The following LEF1 variants were observed in gnomAD, a reference collection of about 807,000 sequenced individuals.
LEF1 encodes lymphoid enhancer binding factor 1, also known as lymphoid enhancer-binding factor 1.
Under a neutral mutation model 51.2 loss-of-function variants are expected in LEF1, and 14 were observed. The ratio of observed to expected loss-of-function variants is 0.27; its 90% CI spans 0.18 to 0.43. LEF1 has a LOEUF of 0.43. Ranked by LOEUF, LEF1 falls within the 20% of genes least tolerant of loss-of-function variation. LEF1 has a pLI of 1.00. For missense variants in LEF1, 386 were observed against 512.0 expected, an observed-to-expected ratio of 0.75 and a Z score of 2.37; for synonymous variants, 185 against 183.2, an observed-to-expected ratio of 1.01 and a Z score of -0.08.
chr4:108,092,649 T>C (rs1740097939), intron 3 of LEF1, among the ~76,000 whole-genome samples: 1 of 151,510 alleles, frequency 6.6e-6, no homozygotes, highest in Admixed American at 6.6e-5. Context: ...ATGTGGTATA[T>C]ATTTTCTTGT....
intron 3 of LEF1, among the ~76,000 whole-genome samples, chr4:108,159,522 T>G (rs1296374756): frequency 6.6e-6 from 1 of 152,338 alleles, no homozygotes; most frequent in South Asian, 2.1e-4. Context: ...TTAGTCTCCA[T>G]CTATCCTTGA....
At position 108,168,503 on chromosome 4, in the gene LEF1, G is replaced by C. The variant is rs996560365; in HGVS notation, c.-736C>G. Reference sequence around the variant, plus strand: ...AGAGAAGGAGGAGGAGCAGAAGATGGGGGCCGAGGAGGAGGGGAAGAGAAA... The same window carrying C: ...AGAGAAGGAGGAGGAGCAGAAGATGCGGGCCGAGGAGGAGGGGAAGAGAAA... On this transcript the variant is annotated 5_prime_UTR_variant, in exon 1 of 12. Coordinates refer to ENST00000265165, the MANE Select transcript of LEF1 (RefSeq NM_016269.5). The surrounding 1 kb of genome is among the most constrained non-coding windows in gnomAD (Gnocchi z 4.6). 1 of 152,340 alleles carries C rather than the reference G, an allele frequency of 6.6e-6. No homozygotes were observed. Among genetic ancestry groups the C allele is most frequent in the Non-Finnish European group, 1.5e-5 (1 of 68,132 alleles). The allele number at this position is 152,340 out of a possible 1,614,324, so 9.4% of individuals were successfully genotyped here.
intron 3 of LEF1, among the ~76,000 whole-genome samples, chr4:108,141,467 TCA>T (rs905236373): frequency 2.6e-4 from 39 of 152,220 alleles, no homozygotes; most frequent in African/African-American, 8.9e-4. Flanking sequence ...CTCCCCGTCT[TCA>T]CACAGTCACT....
intron 8 of LEF1, 127 bp downstream of exon 8, chr4:108,078,093 G>T: frequency 3.5e-6 from 3 of 853,762 alleles, no homozygotes; most frequent in Non-Finnish European, 5.6e-6. Flanking sequence ...TCTTTAAAAT[G>T]CATCATATCA....
intron 3 of LEF1, among the ~76,000 whole-genome samples, chr4:108,143,357 T>C (rs2110377417): frequency 6.6e-6 from 1 of 152,330 alleles, no homozygotes; most frequent in East Asian, 1.9e-4. Flanking sequence ...TCAAAATCTG[T>C]ATATTTTTCT....
At chr4:108,136,435 G>A (rs1391474028) in intron 3 of LEF1, among the ~76,000 whole-genome samples, 1 of 148,964 alleles carries the variant, frequency 6.7e-6, no homozygotes, top group Non-Finnish European at 1.5e-5. Context: ...CATATTGCCA[G>A]TTCAAATACT....
At chr4:108,152,347 G>A (rs1172717863) in intron 3 of LEF1, among the ~76,000 whole-genome samples, 1 of 152,228 alleles carries the variant, frequency 6.6e-6, no homozygotes, top group Non-Finnish European at 1.5e-5. Flanking sequence ...TGGTGAGGAG[G>A]TAAGACTTGA....
intron 3 of LEF1, among the ~76,000 whole-genome samples, chr4:108,090,667 G>T (rs906949274): frequency 1.3e-5 from 2 of 152,044 alleles, no homozygotes; most frequent in Non-Finnish European, 2.9e-5. Flanking sequence ...AGGATAACTG[G>T]GATATCCATC....
intron 7 of LEF1, among the ~76,000 whole-genome samples, chr4:108,079,262 G>A (rs11730239): frequency 0.72 from 110,276 of 152,152 alleles, 43,233 homozygotes; most frequent in East Asian, 0.96. Context: ...CCATTTTGGT[G>A]AGGTTCCCAT....
intron 3 of LEF1, among the ~76,000 whole-genome samples, chr4:108,109,467 C>T (rs1294326059): frequency 6.6e-6 from 1 of 152,208 alleles, no homozygotes; most frequent in Admixed American, 6.5e-5. Context: ...TGGTAAGTCT[C>T]TCCATCTCCA....
Position 108,052,330 on chromosome 4 carries a change from G to A in LEF1, c.*7-3579C>T, listed in dbSNP as rs117006436. Among the ~76,000 whole-genome samples the A allele has an allele frequency of 4.9e-4, 74 of 152,318 alleles. 1 individual carries two copies. The highest frequency in any genetic ancestry group is 2.3e-3 in the East Asian group (12 of 5,192). On this transcript the variant is annotated intron_variant, in intron 11 of 11. Transcript: ENST00000265165. Reference sequence around the variant, plus strand: ...AGTTGGAATAAAAGACCCTTTCTTCGTCGTCCTCTTCCTTTTACGCCACTC... The same window carrying A: ...AGTTGGAATAAAAGACCCTTTCTTCATCGTCCTCTTCCTTTTACGCCACTC...
chr4:108,076,119 T>G (rs1439289304), intron 8 of LEF1, among the ~76,000 whole-genome samples: 1 of 152,184 alleles, frequency 6.6e-6, no homozygotes, highest in Non-Finnish European at 1.5e-5. Context: ...TCGTCTCTAC[T>G]TACTCTCACA....
rs749911957 is a variant in LEF1, at chr4:108,132,659, C to CTTTTTTTTTT, written c.414+30899_414+30908dup. Among the ~76,000 whole-genome samples, 254 of 47,444 alleles carry CTTTTTTTTTT rather than the reference C, an allele frequency of 5.4e-3. 76 individuals are homozygous for CTTTTTTTTTT. Among genetic ancestry groups the CTTTTTTTTTT allele is most frequent in the African/African-American group, 0.018 (218 of 12,166 alleles). 31.1% of individuals were successfully genotyped at this position (47,444 alleles called of 152,430 possible). A position where few individuals can be genotyped will look rare whatever the true frequency, so the allele number is the denominator to read the frequency against. ...ATATGGGATGAGAGCGAAAATCTGC[C>CTTTTTTTTTT]TTTTTTTTTTTTTTTTTTTTTTTTT... On this transcript the variant is annotated intron_variant, in intron 3 of 11. Coordinates refer to ENST00000265165, the MANE Select transcript of LEF1 (RefSeq NM_016269.5).
chr4:108,145,008 C>T (rs1480400510), intron 3 of LEF1, among the ~76,000 whole-genome samples: 2 of 152,114 alleles, frequency 1.3e-5, no homozygotes, highest in African/African-American at 2.4e-5. Context: ...ATAGGGTTCC[C>T]GTTTACTTTC....
At chr4:108,125,561 C>G (rs2110341075) in intron 3 of LEF1, among the ~76,000 whole-genome samples, 1 of 152,216 alleles carries the variant, frequency 6.6e-6, no homozygotes, top group South Asian at 2.1e-4. Context: ...GGTAAAATAT[C>G]TAGTGTTTGA....
In LEF1 at chr4:108,104,473, T is replaced by A. The variant is rs548937272; in HGVS notation, c.415-15216A>T. On this transcript the variant is annotated intron_variant, in intron 3 of 11. Transcript: ENST00000265165. ...AAATATTATATATAAATTATATATA[T>A]AAAATATATATATAAATTATTATAT... Among the ~76,000 whole-genome samples the A allele has an allele frequency of 1.7e-3, 247 of 147,014 alleles. 1 individual carries two copies. Among genetic ancestry groups the A allele is most frequent in the African/African-American group, 5.8e-3 (236 of 40,418 alleles).
chr4:108,135,560 G>A (rs1262933847), intron 3 of LEF1, among the ~76,000 whole-genome samples: 1 of 152,168 alleles, frequency 6.6e-6, no homozygotes, highest in Admixed American at 6.5e-5. Context: ...TTCCCACTGG[G>A]GGACTGGCAT....
At chr4:108,133,551 TA>T (rs1259513974) in intron 3 of LEF1, among the ~76,000 whole-genome samples, 2 of 151,878 alleles carry the variant, frequency 1.3e-5, no homozygotes, top group African/African-American at 4.8e-5. Context: ...CTATGTCCTT[TA>T]AAAAAAAATT....
chr4:108,117,722 A>G (rs1294955564), intron 3 of LEF1, among the ~76,000 whole-genome samples: 1 of 151,754 alleles, frequency 6.6e-6, no homozygotes, highest in Non-Finnish European at 1.5e-5. Context: ...GGGGAGGGGG[A>G]GGAAGAGCAG....
Sources: allele counts gnomAD v4.1 joint callset (sites outside exome capture counted in the v4.1 genomes callset), GRCh38; gene constraint gnomAD v4.1.1; non-coding constraint Gnocchi (gnomAD v3.1); transcripts MANE v1.5; gene names NCBI Gene and HGNC (gene_info 2026-07-23, HGNC 2026-07-21).